LDB2: variants seen among roughly 807,000 people sequenced by gnomAD.
The protein encoded by LDB2 is LIM domain-binding protein 2.
LDB2 carries 12 observed loss-of-function variants against 44.3 expected under a neutral mutation model. The observed-to-expected ratio is 0.27, with a 90% CI of 0.17 to 0.44. The LOEUF is 0.44. LDB2 is among the 20% of genes least tolerant of loss of function. The pLI is 1.00. For missense variants in LDB2, 344 were observed against 473.5 expected, an observed-to-expected ratio of 0.73 and a Z score of 2.54; for synonymous variants, 164 against 174.8, an observed-to-expected ratio of 0.94 and a Z score of 0.49.
At chr4:16,712,697 A>G (rs1318778698) in intron 2 of LDB2, among the ~76,000 whole-genome samples, 1 of 152,218 alleles carries the variant, frequency 6.6e-6, no homozygotes, top group Non-Finnish European at 1.5e-5. Context: ...GGCTATAATC[A>G]TACAATCACA....
intron 5 of LDB2, among the ~76,000 whole-genome samples, chr4:16,541,324 C>T (rs1196256863): frequency 6.6e-6 from 1 of 152,082 alleles, no homozygotes. Context: ...TCCCTGCCTC[C>T]TTGCTCCTGC....
chr4:16,849,798 C>T lies in LDB2; in HGVS notation c.132+48556G>A, dbSNP rs1020779938. ...TTCCCTGGGTGGAGGGTTCTGCCCA[C>T]TTCTGGAGGGTCAGCACCTTGAAGG... On this transcript the variant is annotated intron_variant, in intron 1 of 7. Transcript: ENST00000304523. Among the ~76,000 whole-genome samples the T allele has an allele frequency of 2.6e-5, 4 of 152,214 alleles. No individual in the cohort carries two copies. In the South Asian group the frequency reaches 6.2e-4, roughly 24 times the overall value.
intron 2 of LDB2, among the ~76,000 whole-genome samples, chr4:16,714,970 T>C (rs551527005): frequency 5.3e-5 from 8 of 152,302 alleles, no homozygotes; most frequent in African/African-American, 1.7e-4. Flanking sequence ...TATTTTCAAA[T>C]ACTATGGGTT....
chr4:16,766,784 G>A (rs1256970297), intron 1 of LDB2, among the ~76,000 whole-genome samples: 1 of 152,020 alleles, frequency 6.6e-6, no homozygotes, highest in Non-Finnish European at 1.5e-5. Context: ...GGGATTACAG[G>A]CATGAGCGTG....
intron 1 of LDB2, among the ~76,000 whole-genome samples, chr4:16,893,726 GA>G (rs1223604577): frequency 2.0e-5 from 3 of 151,046 alleles, no homozygotes; most frequent in Non-Finnish European, 3.0e-5. Context: ...ATTGATAAAA[GA>G]AAAAAACCTC....
At chr4:16,805,778 G>C (rs1271620950) in intron 1 of LDB2, among the ~76,000 whole-genome samples, 1 of 152,236 alleles carries the variant, frequency 6.6e-6, no homozygotes, top group Non-Finnish European at 1.5e-5. Context: ...AACCTGCAGA[G>C]AGAAAAGGCA....
chr4:16,830,588 A>C (rs1371776048), intron 1 of LDB2, among the ~76,000 whole-genome samples: 2 of 152,202 alleles, frequency 1.3e-5, no homozygotes, highest in Non-Finnish European at 2.9e-5. Flanking sequence ...AGCCAAGTGA[A>C]ACTTGTCCAG....
At chr4:16,779,912 ATCT>A (rs1385576182) in intron 1 of LDB2, among the ~76,000 whole-genome samples, 1 of 152,226 alleles carries the variant, frequency 6.6e-6, no homozygotes, top group African/African-American at 2.4e-5. Flanking sequence ...AAAATGCAAG[ATCT>A]TCTTTCTTTT....
intron 1 of LDB2, among the ~76,000 whole-genome samples, chr4:16,833,541 C>T (rs1210243204): frequency 7.5e-6 from 1 of 132,630 alleles, no homozygotes; most frequent in African/African-American, 2.9e-5. Context: ...CCAATCTTTT[C>T]CTCTTTTTTT....
intron 2 of LDB2, among the ~76,000 whole-genome samples, chr4:16,638,701 T>A (rs1235041874): frequency 6.6e-6 from 1 of 152,216 alleles, no homozygotes; most frequent in African/African-American, 2.4e-5. Context: ...ACATATCCAG[T>A]GAATAACTTC....
In LDB2 at chr4:16,675,263, C is replaced by T. The variant is rs553892004; in HGVS notation, c.236-79388G>A. Reference sequence around the variant, plus strand: ...ATCACACCTGACTTAATTCAGATTTCACCAGTTTTCTGTCCACTCGTTTGA... The same window carrying T: ...ATCACACCTGACTTAATTCAGATTTTACCAGTTTTCTGTCCACTCGTTTGA... On this transcript the variant is annotated intron_variant, in intron 2 of 7. Coordinates refer to ENST00000304523, the MANE Select transcript of LDB2 (RefSeq NM_001290.5). 3.3e-5 allele frequency among the ~76,000 whole-genome samples: 5 copies of T among 152,280 alleles called. No individual in the cohort carries two copies. The South Asian group carries it at 1.0e-3, about 32-fold the overall frequency.
At chr4:16,800,685 G>GT (rs535659505) in intron 1 of LDB2, among the ~76,000 whole-genome samples, 2 of 152,074 alleles carry the variant, frequency 1.3e-5, no homozygotes, top group African/African-American at 2.4e-5. Flanking sequence ...TTTTTGTTTT[G>GT]TTTTTTTGAG....
At chr4:16,692,358 C>A (rs1016627309) in intron 2 of LDB2, among the ~76,000 whole-genome samples, 1 of 152,088 alleles carries the variant, frequency 6.6e-6, no homozygotes, top group South Asian at 2.1e-4. Flanking sequence ...TTAAGTCCCT[C>A]GGCAAAATAC....
chr4:16,678,899 C>T (rs1159763654), intron 2 of LDB2, among the ~76,000 whole-genome samples: 1 of 152,146 alleles, frequency 6.6e-6, no homozygotes, highest in Non-Finnish European at 1.5e-5. Flanking sequence ...TCTATTTCTA[C>T]CTGATTGAGT....
At chr4:16,782,130 G>T (rs146923864) in intron 1 of LDB2, among the ~76,000 whole-genome samples, 2,230 of 152,150 alleles carry the variant, frequency 0.015, 23 homozygotes, top group Middle Eastern at 0.024. Context: ...ATTCCAAACC[G>T]CAGGCCAGGT....
At chr4:16,504,771 G>A (rs1369744295) in intron 7 of LDB2, among the ~76,000 whole-genome samples, 1 of 152,078 alleles carries the variant, frequency 6.6e-6, no homozygotes, top group Non-Finnish European at 1.5e-5. Flanking sequence ...GTGCCACTGA[G>A]TTATAGGCAA....
intron 2 of LDB2, among the ~76,000 whole-genome samples, chr4:16,606,825 C>A (rs939546812): frequency 6.6e-6 from 1 of 152,198 alleles, no homozygotes; most frequent in African/African-American, 2.4e-5. Context: ...CAGGACTTCT[C>A]CAACTCAAAC....
rs1310756163 is a variant in LDB2 at position 16,659,689 on chromosome 4, A to ATATATATATATATATG, written c.236-63815_236-63814insCATATATATATATATA. 5.7e-4 allele frequency among the ~76,000 whole-genome samples: 80 copies of ATATATATATATATATG among 140,648 alleles called. 3 individuals are homozygous for ATATATATATATATATG. The highest frequency in any genetic ancestry group is 1.4e-3 in the African/African-American group (52 of 38,284). The allele number at this position is 140,648 out of a possible 152,430, so 92.3% of individuals were successfully genotyped here. ...TATGTGTGTATATATATATATATAT[A>ATATATATATATATATG]TATGTATGTATGTATATATGTAACA... On this transcript the variant is annotated intron_variant, in intron 2 of 7. Coordinates refer to ENST00000304523, the MANE Select transcript of LDB2 (RefSeq NM_001290.5).
intron 2 of LDB2, among the ~76,000 whole-genome samples, chr4:16,699,274 A>C (rs1433883391): frequency 6.6e-6 from 1 of 152,264 alleles, no homozygotes; most frequent in Admixed American, 6.5e-5. Flanking sequence ...TGGAAATAAA[A>C]GATTCTGCCA....
Sources: allele counts gnomAD v4.1 joint callset (sites outside exome capture counted in the v4.1 genomes callset), GRCh38; gene constraint gnomAD v4.1.1; transcripts MANE v1.5; gene names NCBI Gene and HGNC (gene_info 2026-07-23, HGNC 2026-07-21).